The following MBTD1 variants were observed in gnomAD, a reference collection of about 807,000 sequenced individuals.
MBTD1 encodes the protein mbt domain containing 1, also known as MBT domain-containing protein 1.
A neutral mutation model predicts 87.8 loss-of-function variants in MBTD1; 24 were observed. The observed-to-expected ratio is 0.27, with a 90% CI of 0.20 to 0.38. The LOEUF is 0.38. Among genes scored for constraint, MBTD1 ranks in the 10% least tolerant of loss-of-function variants. The pLI, the probability that MBTD1 is intolerant of heterozygous loss-of-function variation, is 1.00. For missense variants in MBTD1, 436 were observed against 760.2 expected (o/e 0.57, Z 5.02); for synonymous variants, 237 against 248.6 (o/e 0.95, Z 0.44).
chr17:51,242,302 T>C (rs921626212), intron 2 of MBTD1, among the ~76,000 whole-genome samples: 23 of 152,202 alleles, frequency 1.5e-4, no homozygotes, highest in Non-Finnish European at 8.8e-5. Flanking sequence ...ACAGGGTTTT[T>C]TTCTCACTTT....
At chr17:51,260,429 G>A (rs2055407042), upstream of MBTD1, 1 of 784,424 alleles carries the variant, frequency 1.3e-6, no homozygotes, top group Non-Finnish European at 2.0e-6. Flanking sequence ...AGGGGAGCGG[G>A]AGTTACGTAG....
At position 51,178,560 on chromosome 17, in the gene MBTD1, G is replaced by GC. The variant is rs1378230842; in HGVS notation, c.*2015dup. On this transcript the variant is annotated 3_prime_UTR_variant, in exon 17 of 17. Transcript: ENST00000586178. ...TACACAACAGGCTTCTTGTGCCTGT[G>GC]CTGTGGAATTAGTCCTGGGTTTAAT... is the stretch of plus-strand genomic sequence containing the variant. 6.6e-6 allele frequency: 1 copy of GC among 152,114 alleles called. No individual in the cohort carries two copies. 9.4% of individuals were successfully genotyped at this position (152,114 alleles called of 1,614,324 possible).
intron 2 of MBTD1, among the ~76,000 whole-genome samples, chr17:51,227,954 GAAA>G (rs751071069): frequency 1.4e-5 from 1 of 73,410 alleles, no homozygotes; most frequent in Non-Finnish European, 3.0e-5. Context: ...TCCGTCTCAA[GAAA>G]AAAAAAAAAA....
intron 2 of MBTD1, among the ~76,000 whole-genome samples, chr17:51,258,598 G>C (rs2055235550): frequency 6.6e-6 from 1 of 152,084 alleles, no homozygotes; most frequent in Non-Finnish European, 1.5e-5. Context: ...ACGGGTGTGG[G>C]CGGTAATCAT....
At chr17:51,239,860 A>G (rs1038940328) in intron 2 of MBTD1, among the ~76,000 whole-genome samples, 5 of 152,168 alleles carry the variant, frequency 3.3e-5, no homozygotes, top group Non-Finnish European at 7.3e-5. Flanking sequence ...ATCATAGGTC[A>G]GCTATCATCT....
Position 51,259,208 on chromosome 17 carries a change from T to G in MBTD1, c.-112-2A>C. The G allele has an allele frequency of 3.3e-6, 4 of 1,215,760 alleles. No homozygotes were observed. The highest frequency in any genetic ancestry group is 4.1e-6 in the Non-Finnish European group (4 of 973,078). The allele number at this position is 1,215,760 out of a possible 1,614,324, so 75.3% of individuals were successfully genotyped here. On this transcript the variant is annotated splice_acceptor_variant, in intron 1 of 16. Coordinates refer to ENST00000586178, the MANE Select transcript of MBTD1 (RefSeq NM_017643.3). LOFTEE classifies it low-confidence loss of function (5UTR_SPLICE). ...TGACCTCTAATGTCTCTTCCGACTC[T>G]GAAATGTTAGGATTCTTATTTCACA... is the stretch of plus-strand genomic sequence containing the variant.
At chr17:51,237,295 CAAAAAAAAAAA>C (rs368805446) in intron 2 of MBTD1, among the ~76,000 whole-genome samples, 1 of 60,488 alleles carries the variant, frequency 1.7e-5, no homozygotes, top group Non-Finnish European at 3.6e-5. Context: ...GACTCCATCT[CAAAAAAAAAAA>C]AAAAAAAAAG....
chr17:51,239,133 G>T (rs1243064553), intron 2 of MBTD1, among the ~76,000 whole-genome samples: 1 of 151,210 alleles, frequency 6.6e-6, no homozygotes, highest in Admixed American at 6.6e-5. Context: ...CTGGATAAGC[G>T]TGAAAACAAC....
At chr17:51,237,236 C>T (rs1397715508) in intron 2 of MBTD1, among the ~76,000 whole-genome samples, 1 of 140,506 alleles carries the variant, frequency 7.1e-6, no homozygotes, top group Non-Finnish European at 1.5e-5. Context: ...GCAGAGGTTG[C>T]AGTGAGCCAA....
chr17:51,215,141 A>T (rs1425804331), intron 6 of MBTD1, among the ~76,000 whole-genome samples: 1 of 152,230 alleles, frequency 6.6e-6, no homozygotes, highest in Non-Finnish European at 1.5e-5. Flanking sequence ...ACAGGAAGGC[A>T]CTGGGTCCAC....
chr17:51,188,464 C>T (rs556682089), intron 16 of MBTD1, among the ~76,000 whole-genome samples: 16 of 152,166 alleles, frequency 1.1e-4, no homozygotes, highest in African/African-American at 2.7e-4. Context: ...AAAAGACCAA[C>T]GAGCTGTAAG....
At position 51,259,944 on chromosome 17, in the gene MBTD1, G is replaced by C; in HGVS notation, c.-222C>G. The C allele has an allele frequency of 8.5e-7, 1 of 1,180,348 alleles. No individual in the cohort carries two copies. Among genetic ancestry groups the C allele is most frequent in the South Asian group, 4.3e-5 (1 of 23,460 alleles). 73.1% of individuals were successfully genotyped at this position (1,180,348 alleles called of 1,614,324 possible). A position where few individuals can be genotyped will look rare whatever the true frequency, so the allele number is the denominator to read the frequency against. ...GGGGCAGGTGCCTCTCCCCGGGACT[G>C]CGGCGACTACAGGGGGCCCCCGGCT... On this transcript the variant is annotated 5_prime_UTR_variant, in exon 1 of 17. Coordinates refer to ENST00000586178, the MANE Select transcript of MBTD1 (RefSeq NM_017643.3).
At chr17:51,224,437 T>TA (rs1406529735) in intron 3 of MBTD1, among the ~76,000 whole-genome samples, 14 of 152,184 alleles carry the variant, frequency 9.2e-5, no homozygotes, top group African/African-American at 3.4e-4. Context: ...GAAGCAAAGT[T>TA]AAAAAGGCAA....
At chr17:51,218,064 A>G (rs1031979633) in intron 5 of MBTD1, among the ~76,000 whole-genome samples, 2 of 152,178 alleles carry the variant, frequency 1.3e-5, no homozygotes, top group African/African-American at 4.8e-5. Flanking sequence ...CATGTACCTC[A>G]GTGAGATACC....
chr17:51,254,738 TAAAA>T (rs879654897), intron 2 of MBTD1, among the ~76,000 whole-genome samples: 2 of 152,042 alleles, frequency 1.3e-5, no homozygotes, highest in African/African-American at 4.8e-5. Context: ...TATGATAAAA[TAAAA>T]AAATTCACAT....
intron 7 of MBTD1, among the ~76,000 whole-genome samples, chr17:51,206,178 G>A (rs370552586): frequency 8.5e-4 from 129 of 152,300 alleles, no homozygotes; most frequent in African/African-American, 2.9e-3. Context: ...GCTTGGTATG[G>A]TGGAGGCAGT....
At chr17:51,217,124 A>T (rs2052616550) in intron 6 of MBTD1, among the ~76,000 whole-genome samples, 1 of 152,164 alleles carries the variant, frequency 6.6e-6, no homozygotes, top group South Asian at 2.1e-4. Flanking sequence ...AAATAACTTC[A>T]AACTGCAATT....
chr17:51,219,440 A>G (rs2052760335), intron 4 of MBTD1, among the ~76,000 whole-genome samples: 1 of 152,212 alleles, frequency 6.6e-6, no homozygotes, highest in Admixed American at 6.5e-5. Context: ...TTTAATGTTC[A>G]AAGAGCAAGT....
At chr17:51,248,307 G>C (rs1365151009) in intron 2 of MBTD1, among the ~76,000 whole-genome samples, 2 of 152,122 alleles carry the variant, frequency 1.3e-5, no homozygotes, top group African/African-American at 4.8e-5. Context: ...TTTCATTTAT[G>C]TAAGTGTTTA....
Sources: allele counts gnomAD v4.1 joint callset (sites outside exome capture counted in the v4.1 genomes callset), GRCh38; gene constraint gnomAD v4.1.1; transcripts MANE v1.5; gene names NCBI Gene and HGNC (gene_info 2026-07-23, HGNC 2026-07-21).